The following C11orf65 variants were observed in gnomAD, a reference collection of about 807,000 sequenced individuals.
The protein encoded by C11orf65 is protein MFI.
Under a neutral mutation model 35.3 loss-of-function variants are expected in C11orf65, and 38 were observed. The observed-to-expected ratio is 1.08, with a 90% CI of 0.83 to 1.41. The LOEUF (loss-of-function observed/expected upper bound fraction) is 1.41. Among genes scored for constraint, C11orf65 ranks in the 40% most tolerant of loss-of-function variants. The pLI is 0.00. For missense variants in C11orf65, 370 were observed against 367.1 expected (o/e 1.01, Z -0.06); for synonymous variants, 105 against 114.4 (o/e 0.92, Z 0.53).
chr11:108,449,079 G>A (rs893097207), intron 2 of C11orf65, among the ~76,000 whole-genome samples: 8 of 152,146 alleles, frequency 5.3e-5, no homozygotes, highest in African/African-American at 1.9e-4. Flanking sequence ...ACTTACAAGG[G>A]ATGTGAAGGA....
chr11:108,357,737 G>T (rs889031086), intron 2 of C11orf65, among the ~76,000 whole-genome samples: 21 of 152,152 alleles, frequency 1.4e-4, no homozygotes, highest in Admixed American at 1.4e-3. Context: ...TGAGGGTCTT[G>T]TCTGTTAGAA....
intron 2 of C11orf65, among the ~76,000 whole-genome samples, chr11:108,361,429 C>T (rs2090738885): frequency 6.6e-6 from 1 of 151,862 alleles, no homozygotes. Flanking sequence ...ACTTTCTTTA[C>T]AGAATTGGAA....
At chr11:108,457,151 G>T (rs1470365092) in intron 2 of C11orf65, among the ~76,000 whole-genome samples, 1 of 151,904 alleles carries the variant, frequency 6.6e-6, no homozygotes, top group Non-Finnish European at 1.5e-5. Context: ...AACCAATAAG[G>T]TAATAAAATA....
intron 6 of C11orf65, among the ~76,000 whole-genome samples, chr11:108,312,754 A>G (rs565715303): frequency 2.4e-4 from 36 of 152,320 alleles, no homozygotes; most frequent in African/African-American, 8.4e-4. Context: ...AGTTTATGCC[A>G]TGCATTTTCT....
At chr11:108,454,672 C>T (rs1054809242) in intron 2 of C11orf65, among the ~76,000 whole-genome samples, 1 of 152,052 alleles carries the variant, frequency 6.6e-6, no homozygotes. Context: ...GCTGCCAAGG[C>T]TGGACTCAAA....
chr11:108,331,386 A>T, downstream of C11orf65: 2 of 1,578,718 alleles, frequency 1.3e-6, no homozygotes, highest in Non-Finnish European at 1.7e-6. Context: ...ACTTGCTTAG[A>T]TGTGAGAATA....
At chr11:108,403,813 GTTTA>G (rs777146292) in intron 6 of C11orf65, among the ~76,000 whole-genome samples, 2 of 152,170 alleles carry the variant, frequency 1.3e-5, no homozygotes, top group African/African-American at 4.8e-5. Context: ...ATACATGGGG[GTTTA>G]TTTATTTATT....
intron 1 of C11orf65, among the ~76,000 whole-genome samples, chr11:108,462,043 T>C (rs904014690): frequency 6.6e-6 from 1 of 152,182 alleles, no homozygotes; most frequent in African/African-American, 2.4e-5. Flanking sequence ...ATAAAAATAG[T>C]CACCTTCTTA....
chr11:108,464,517 G>T (rs752366984), intron 1 of C11orf65, among the ~76,000 whole-genome samples: 1 of 152,100 alleles, frequency 6.6e-6, no homozygotes, highest in Admixed American at 6.6e-5. Flanking sequence ...GTGCACCACC[G>T]TGCCCAGTTA....
chr11:108,410,661 C>G (rs545137671), intron 3 of C11orf65, among the ~76,000 whole-genome samples: 2 of 151,586 alleles, frequency 1.3e-5, no homozygotes, highest in Non-Finnish European at 2.9e-5. Flanking sequence ...GCCACTTCTA[C>G]TTTCTATTCA....
At chr11:108,336,090 A>G (rs2086819746) in intron 2 of C11orf65, 6 of 692,292 alleles carry the variant, frequency 8.7e-6, no homozygotes, top group Non-Finnish European at 1.5e-5. Context: ...TGAGGCCAGG[A>G]GTTCGAGACC....
chr11:108,354,543 A>T (rs1311175975), intron 2 of C11orf65, among the ~76,000 whole-genome samples: 1 of 152,236 alleles, frequency 6.6e-6, no homozygotes, highest in Non-Finnish European at 1.5e-5. Context: ...AAAGACTGAG[A>T]GCTGAGCCCA....
At chr11:108,407,812 G>A (rs1452009967) in intron 3 of C11orf65, among the ~76,000 whole-genome samples, 3 of 150,490 alleles carry the variant, frequency 2.0e-5, no homozygotes, top group East Asian at 3.9e-4. Flanking sequence ...GGCACCTGTA[G>A]TCTCAGCTAC....
chr11:108,342,831 G>A (rs539048814), intron 2 of C11orf65, among the ~76,000 whole-genome samples: 1 of 152,248 alleles, frequency 6.6e-6, no homozygotes, highest in Admixed American at 6.5e-5. Context: ...CCACATTCAT[G>A]GGTAATAATT....
At chr11:108,404,439 G>C (rs967299473) in intron 6 of C11orf65, among the ~76,000 whole-genome samples, 1 of 151,950 alleles carries the variant, frequency 6.6e-6, no homozygotes, top group African/African-American at 2.4e-5. Flanking sequence ...ATGGAGTCTC[G>C]CTCTGTCACC....
At chr11:108,374,664 A>G (rs894071104) in intron 2 of C11orf65, among the ~76,000 whole-genome samples, 1 of 152,256 alleles carries the variant, frequency 6.6e-6, no homozygotes, top group African/African-American at 2.4e-5. Flanking sequence ...TGAGAGAAGA[A>G]GGCTTCAGAT....
At chr11:108,376,720 A>G (rs369047607) in intron 2 of C11orf65, among the ~76,000 whole-genome samples, 8 of 152,104 alleles carry the variant, frequency 5.3e-5, no homozygotes, top group Admixed American at 6.6e-5. Context: ...CAACAAAATT[A>G]ATAGACCGCT....
chr11:108,332,055 AC>A, intron 3 of C11orf65: 1 of 1,612,796 alleles, frequency 6.2e-7, no homozygotes. Flanking sequence ...GATTAAACAT[AC>A]GTACCTTTTA....
At chr11:108,352,924 G>A (rs969807991) in intron 2 of C11orf65, among the ~76,000 whole-genome samples, 3 of 152,138 alleles carry the variant, frequency 2.0e-5, no homozygotes, top group Non-Finnish European at 4.4e-5. Context: ...GGGGGTCAGA[G>A]GGCTGGGTGA....
Sources: gnomAD v4.1 joint callset for allele counts (sites outside exome capture counted in the v4.1 genomes callset) on GRCh38, gnomAD v4.1.1 for gene constraint, MANE v1.5 for transcripts, NCBI Gene and HGNC (gene_info 2026-07-23, HGNC 2026-07-21) for gene names.